Variants in RND1 observed in about 807,000 individuals in gnomAD.
RND1 encodes the protein Rho family GTPase 1, also known as rho-related GTP-binding protein Rho6.
RND1 carries 9 observed loss-of-function variants against 27.1 expected under a neutral mutation model. The observed-to-expected ratio is 0.33, with a 90% confidence interval of 0.20 to 0.58. The LOEUF (loss-of-function observed/expected upper bound fraction) is 0.58. Ranked by LOEUF, RND1 falls within the 20% of genes least tolerant of loss-of-function variation. The probability of loss-of-function intolerance (pLI) is 0.86; values close to 1 mark genes in which losing one functional copy is unlikely to be tolerated. For synonymous variants in RND1, 108 were observed against 115.7 expected, an observed-to-expected ratio of 0.93 and a Z score of 0.43; for missense variants, 253 against 292.2, an observed-to-expected ratio of 0.87 and a Z score of 0.98.
In RND1 at chr12:48,858,032, G is replaced by C; in HGVS notation, c.663C>G (p.Phe221Leu). 1 of 1,608,986 alleles carries C rather than the reference G, an allele frequency of 6.2e-7. No homozygotes were observed. Among genetic ancestry groups the C allele is most frequent in the Non-Finnish European group, 8.5e-7 (1 of 1,177,622 alleles). The change falls in exon 5 of 5, where the codon TTC becomes TTG. Residue 221 changes from phenylalanine to leucine, a missense_variant. Coordinates refer to ENST00000309739, the MANE Select transcript of RND1 (RefSeq NM_014470.4). ...AACAGCTTTTGGCCTTTTCCTTCTT[G>C]AAGGTAGAAGAGATGAGTTCAGAGC... ...PSRSELISSTFKKEKAKSCSI... is the reference protein window; with the variant it reads ...PSRSELISSTLKKEKAKSCSI...
intron 1 of RND1, chr12:48,865,227 C>T (rs1004055234): frequency 1.1e-5 from 4 of 376,934 alleles, no homozygotes; most frequent in Non-Finnish European, 2.0e-5. Context: ...AAACCCCTCC[C>T]GGCCAGGTGA....
chr12:48,865,016 G>T, intron 1 of RND1, 146 bp from the exon 2 acceptor site: 1 of 684,430 alleles, frequency 1.5e-6, no homozygotes, highest in South Asian at 1.6e-5. Context: ...GGAGGGAAGG[G>T]ACTGTGGAGG....
chr12:48,860,971 C>A, intron 4 of RND1, 26 bp downstream of exon 4: 1 of 1,612,292 alleles, frequency 6.2e-7, no homozygotes. Context: ...CTCCACCCCA[C>A]GACATGCACT....
At position 48,858,166 on chromosome 12, in the gene RND1, G is replaced by T; in HGVS notation, c.529C>A (p.His177Asn). The T allele has an allele frequency of 6.2e-7, 1 of 1,614,102 alleles. No homozygotes were observed. Among genetic ancestry groups the T allele is most frequent in the South Asian group, 1.1e-5 (1 of 91,084 alleles). The change falls in exon 5 of 5, where the codon CAC (histidine) becomes AAC (asparagine). Residue 177 changes from histidine to asparagine, a missense_variant. Physicochemically the swap from His to Asn is moderately conservative, Grantham distance 68. Coordinates refer to ENST00000309739, the MANE Select transcript of RND1 (RefSeq NM_014470.4). ...GSAFTSEKSI[H>N]SIFRTASMLC... ...ATGGATGCCGTCCGAAAGATGCTGT[G>T]GATGCTCTTTTCTGAGGTGAAAGCT... is the stretch of plus-strand genomic sequence containing the variant.
Position 48,860,019 on chromosome 12 carries a change from C to A in RND1, c.453+978G>T, listed in dbSNP as rs374657211. Among the ~76,000 whole-genome samples the A allele has an allele frequency of 1.9e-4, 29 of 151,132 alleles. No homozygotes were observed. The East Asian group carries it at 4.3e-3, about 22-fold the overall frequency. On this transcript the variant is annotated intron_variant, in intron 4 of 4. Coordinates refer to ENST00000309739, the MANE Select transcript of RND1 (RefSeq NM_014470.4). ...TCTTGAACTCCTGACCTGAAGTGAT[C>A]CACCTGCCTCCGTCTCCCAAAGTGC... is the stretch of plus-strand genomic sequence containing the variant.
Position 48,860,713 on chromosome 12 carries a change from G to T in RND1, c.453+284C>A, listed in dbSNP as rs561933702. 2.9e-3 allele frequency among the ~76,000 whole-genome samples: 428 copies of T among 146,852 alleles called. 3 individuals are homozygous for T. The highest frequency in any genetic ancestry group is 9.9e-3 in the African/African-American group (406 of 41,028). On this transcript the variant is annotated intron_variant, in intron 4 of 4. Transcript: ENST00000309739. ...ACCTTGCACCTGGCCTCTTTTTTTTGTGTGTGTGAAATTCTAACAAACACC... is the reference window on the plus strand; with the variant it reads ...ACCTTGCACCTGGCCTCTTTTTTTTTTGTGTGTGAAATTCTAACAAACACC...
rs1280431768 is a variant in RND1 at position 48,865,018 on chromosome 12, C to G, written c.121-148G>C. On this transcript the variant is annotated intron_variant, in intron 1 of 4. Transcript: ENST00000309739. Reference sequence around the variant, plus strand: ...GATGCCTGGGGCAGGAGGGAAGGGACTGTGGAGGACCAGGCACTTTGCTCT... The same window carrying G: ...GATGCCTGGGGCAGGAGGGAAGGGAGTGTGGAGGACCAGGCACTTTGCTCT... The G allele has an allele frequency of 4.4e-6, 3 of 686,104 alleles. No individual in the cohort carries two copies. In the African/African-American group the frequency reaches 5.3e-5, roughly 12 times the overall value. The allele number at this position is 686,104 out of a possible 1,614,324, so 42.5% of individuals were successfully genotyped here.
intron 2 of RND1, among the ~76,000 whole-genome samples, chr12:48,864,414 T>TGC (rs1296870474): frequency 0.021 from 2,251 of 109,308 alleles, 47 homozygotes; most frequent in African/African-American, 0.064. Context: ...TGTGTGTGTG[T>TGC]GTGCGCGCGC....
intron 1 of RND1, among the ~76,000 whole-genome samples, chr12:48,865,126 C>A (rs1188826991): frequency 1.3e-5 from 2 of 152,130 alleles, no homozygotes; most frequent in Non-Finnish European, 2.9e-5. Flanking sequence ...ATCAGGGACA[C>A]ACACACACAC....
intron 2 of RND1, among the ~76,000 whole-genome samples, chr12:48,863,804 T>C (rs1187026434): frequency 6.6e-6 from 1 of 152,144 alleles, no homozygotes; most frequent in Non-Finnish European, 1.5e-5. Context: ...CACCTAGTGA[T>C]TTACGGTCCC....
At chr12:48,859,703 A>T (rs959819498) in intron 4 of RND1, among the ~76,000 whole-genome samples, 1 of 152,274 alleles carries the variant, frequency 6.6e-6, no homozygotes, top group East Asian at 1.9e-4. Context: ...CCCCGGAAAC[A>T]TACTGAGACC....
chr12:48,865,834 A>C lies in RND1; in HGVS notation c.-67T>G. 6.5e-7 allele frequency: 1 copy of C among 1,526,874 alleles called. No homozygotes were observed. The highest frequency in any genetic ancestry group is 1.3e-5 in the South Asian group (1 of 78,358). The allele number at this position is 1,526,874 out of a possible 1,614,324, so 94.6% of individuals were successfully genotyped here. ...AGGGTTGCGCCAGGTGCGTCTCAGC[A>C]CGCCAATCAAGCCAGATTCCCTGCC... On this transcript the variant is annotated 5_prime_UTR_variant, in exon 1 of 5. Coordinates refer to ENST00000309739, the MANE Select transcript of RND1 (RefSeq NM_014470.4).
rs749638791 is a variant in RND1, at chr12:48,858,018, G to A, written c.677C>T (p.Ala226Val). The A allele has an allele frequency of 2.5e-6, 4 of 1,608,256 alleles. No homozygotes were observed. The highest frequency in any genetic ancestry group is 3.4e-6 in the Non-Finnish European group (4 of 1,177,030). Reference protein sequence around the residue: ...LISSTFKKEKAKSCSIM With the variant: ...LISSTFKKEKVKSCSIM ...ACTTCACATAATGGAACAGCTTTTG[G>A]CCTTTTCCTTCTTGAAGGTAGAAGA... Residue 226 changes from alanine (A) to valine (V), a missense_variant, in exon 5 of 5, where the codon GCC becomes GTC. Transcript: ENST00000309739.
chr12:48,858,388 T>TA, intron 4 of RND1, 147 bp from the exon 5 acceptor site: 32 of 811,998 alleles, frequency 3.9e-5, no homozygotes, highest in Non-Finnish European at 5.1e-5. Context: ...GATTATCTTT[T>TA]CTTTTTTTTT....
intron 2 of RND1, among the ~76,000 whole-genome samples, chr12:48,864,189 C>A (rs1938953413): frequency 6.6e-6 from 1 of 152,202 alleles, no homozygotes; most frequent in South Asian, 2.1e-4. Context: ...TTGCTTCATC[C>A]CCGAGCTGCA....
Position 48,862,036 on chromosome 12 carries a change from TG to T in RND1, c.290del (p.Pro97GlnfsTer16). 6.2e-7 allele frequency: 1 copy of T among 1,610,942 alleles called. No homozygotes were observed. ...TCTTGAGTGCGCTGTCCACTGTCTC[TG>T]GACGGCTGATGTCAAAACATAGTAA... ...AVLLCFDISR[P>X]ETVDSALKKW... On this transcript the variant is annotated frameshift_variant, in exon 3 of 5. Transcript: ENST00000309739. LOFTEE classifies it high-confidence loss of function.
chr12:48,865,317 C>T (rs1432748831), intron 1 of RND1: 2 of 405,916 alleles, frequency 4.9e-6, no homozygotes, highest in Non-Finnish European at 9.3e-6. Context: ...GCAGGGATTA[C>T]GTCAAGAAGA....
intron 4 of RND1, among the ~76,000 whole-genome samples, chr12:48,859,469 GGCAGAGGTT>G (rs1344143962): frequency 1.3e-5 from 2 of 152,030 alleles, no homozygotes; most frequent in Non-Finnish European, 2.9e-5. Context: ...GAACCCGGGA[GGCAGAGGTT>G]GCAGTGAGCT....
chr12:48,862,688 G>A (rs1264977881), intron 2 of RND1, among the ~76,000 whole-genome samples: 5 of 152,176 alleles, frequency 3.3e-5, no homozygotes, highest in Non-Finnish European at 7.3e-5. Context: ...AAGGAAAGCT[G>A]TACCTCCTGA....
Sources: gnomAD v4.1 joint callset for allele counts (sites outside exome capture counted in the v4.1 genomes callset) on GRCh38, gnomAD v4.1.1 for gene constraint, MANE v1.5 for transcripts, NCBI Gene and HGNC (gene_info 2026-07-23, HGNC 2026-07-21) for gene names.